The following SLC4A2 variants were observed in gnomAD, a reference collection of about 807,000 sequenced individuals.
The protein encoded by SLC4A2 is solute carrier family 4 member 2.
A neutral mutation model predicts 115.0 loss-of-function variants in SLC4A2; 36 were observed. That is an observed-to-expected ratio of 0.31 (90% confidence interval 0.24 to 0.41). The LOEUF is 0.41. Ranked by LOEUF, SLC4A2 falls within the 10% of genes least tolerant of loss-of-function variation. The pLI, the probability that SLC4A2 is intolerant of heterozygous loss-of-function variation, is 1.00. For synonymous variants in SLC4A2, 708 were observed against 708.3 expected, an observed-to-expected ratio of 1.00 and a Z score of 0.01; for missense variants, 1,252 against 1,705.6, an observed-to-expected ratio of 0.73 and a Z score of 4.68.
At chr7:151,063,205 G>T in intron 2 of SLC4A2, 2 of 1,384,854 alleles carry the variant, frequency 1.4e-6, no homozygotes, top group Non-Finnish European at 9.5e-7. Context: ...GGCTGTGGGG[G>T]TGGGGTGAGG....
At chr7:151,062,344 C>T (rs1022147374) in intron 2 of SLC4A2, among the ~76,000 whole-genome samples, 4 of 152,180 alleles carry the variant, frequency 2.6e-5, no homozygotes, top group African/African-American at 9.7e-5. Flanking sequence ...GTCTCAGACC[C>T]GGCTGGCCTT....
chr7:151,074,021 G>A lies in SLC4A2; in HGVS notation c.2536-18G>A. ...CTGCAGTCCAGCTGATGGAGGCCGT[G>A]TGGCCTCCTCTCCCCAGATCTTCCA... On this transcript the variant is annotated intron_variant, in intron 16 of 22. Coordinates refer to ENST00000413384, the MANE Select transcript of SLC4A2 (RefSeq NM_003040.4). 3 of 1,545,974 alleles carry A rather than the reference G, an allele frequency of 1.9e-6. No individual in the cohort carries two copies. In the South Asian group the frequency reaches 3.6e-5, roughly 19 times the overall value.
chr7:151,075,015 G>C, intron 19 of SLC4A2, 174 bp downstream of exon 19: 1 of 880,986 alleles, frequency 1.1e-6, no homozygotes, highest in East Asian at 2.6e-5. Context: ...TGTTTGCTGG[G>C]ACAGGAACAG....
intron 7 of SLC4A2, 80 bp downstream of exon 7, chr7:151,067,073 A>C: frequency 2.1e-6 from 3 of 1,400,350 alleles, no homozygotes; most frequent in Non-Finnish European, 2.9e-6. Context: ...TGTAATCTCA[A>C]GCCTCAGGGT....
In SLC4A2 at chr7:151,070,513, C is replaced by T. The variant is rs956203298; in HGVS notation, c.1506C>T (p.His502=). The change falls in exon 11 of 23, where the codon CAC becomes CAT. Residue 502 remains histidine (H), a synonymous_variant. Transcript: ENST00000413384. ...PAGITRSKSK[H]ELKLLEKIPE... is the part of the protein sequence containing the mutation. ...GCATCACCCGCTCCAAGTCCAAGCA[C>T]GAGCTGAAACTGCTGGAGAAGATTC... 3.7e-6 allele frequency: 6 copies of T among 1,613,796 alleles called. No individual in the cohort carries two copies. Among genetic ancestry groups the T allele is most frequent in the Non-Finnish European group, 3.4e-6 (4 of 1,179,916 alleles).
chr7:151,070,369 C>A (rs757357844), intron 10 of SLC4A2, 23 bp downstream of exon 10: 17 of 1,609,442 alleles, frequency 1.1e-5, no homozygotes, highest in Non-Finnish European at 1.4e-5. Context: ...CCAGCCCTGC[C>A]TGGGCTGGCG....
intron 8 of SLC4A2, among the ~76,000 whole-genome samples, chr7:151,068,821 A>AAAATT (rs1297695980): frequency 6.6e-6 from 1 of 151,876 alleles, no homozygotes; most frequent in Non-Finnish European, 1.5e-5. Context: ...TGCCTGGCTT[A>AAAATT]AAATTAAATT....
At chr7:151,073,289 T>TTATTTTATTTTATTG (rs59101471) in intron 16 of SLC4A2, among the ~76,000 whole-genome samples, 3,402 of 140,988 alleles carry the variant, frequency 0.024, 121 homozygotes, top group African/African-American at 0.087. Context: ...TTATTTTATT[T>TTATTTTATTTTATTG]GTTTATTTGT....
Position 151,070,869 on chromosome 7 carries a change from C to T in SLC4A2, c.1707C>T (p.Tyr569=). Residue 569 remains tyrosine (Y), a synonymous_variant, in exon 12 of 23, where the codon TAC becomes TAT. Transcript: ENST00000413384. The part of the protein sequence containing the change: ...LLGPSSANMD[Y]HEIGRSISTL... Reference sequence around the variant, plus strand: ...GCCCGAGTAGTGCCAACATGGACTACCACGAGATCGGCCGCTCCATCTCCA... The same window carrying T: ...GCCCGAGTAGTGCCAACATGGACTATCACGAGATCGGCCGCTCCATCTCCA... 2 of 1,613,646 alleles carry T rather than the reference C, an allele frequency of 1.2e-6. No homozygotes were observed. The highest frequency in any genetic ancestry group is 1.7e-6 in the Non-Finnish European group (2 of 1,180,014).
rs1353184013 is a variant in SLC4A2, at chr7:151,065,587, G to A, written c.578+621G>A. ...TAGGTCTCAAGGTCACTACTATCAC[G>A]GACCTGTTGTTTTCTGGGTGCCAGG... is the stretch of plus-strand genomic sequence containing the variant. On this transcript the variant is annotated intron_variant, in intron 5 of 22. Transcript: ENST00000413384. 6.6e-5 allele frequency among the ~76,000 whole-genome samples: 10 copies of A among 152,318 alleles called. No individual in the cohort carries two copies. In the South Asian group the frequency reaches 8.3e-4, roughly 13 times the overall value.
intron 5 of SLC4A2, among the ~76,000 whole-genome samples, chr7:151,065,890 G>C (rs952089767): frequency 1.3e-5 from 2 of 152,146 alleles, no homozygotes; most frequent in African/African-American, 2.4e-5. Flanking sequence ...TTGAGAGAGA[G>C]GGGTAGGACC....
intron 2 of SLC4A2, among the ~76,000 whole-genome samples, chr7:151,063,442 C>T (rs1249998608): frequency 1.3e-5 from 2 of 152,142 alleles, no homozygotes; most frequent in African/African-American, 4.8e-5. Context: ...GTGAACTTCC[C>T]GGTTCACACG....
chr7:151,067,861 T>C lies in SLC4A2; in HGVS notation c.967-13T>C, dbSNP rs1182707283. ...GCTCTGTACCCTGAAATGCCTTCTC[T>C]TCTCTCCCCAAGGTGTTTGTGGAGC... On this transcript the variant is annotated splice_polypyrimidine_tract_variant and intron_variant, in intron 7 of 22. Coordinates refer to ENST00000413384, the MANE Select transcript of SLC4A2 (RefSeq NM_003040.4). 7 of 1,611,602 alleles carry C rather than the reference T, an allele frequency of 4.3e-6. No individual in the cohort carries two copies. In the African/African-American group the frequency reaches 5.3e-5, roughly 12 times the overall value.
Position 151,076,063 on chromosome 7 carries a change from G to T in SLC4A2, c.3522G>T (p.Leu1174=). 6.2e-7 allele frequency: 1 copy of T among 1,611,814 alleles called. No individual in the cohort carries two copies. The highest frequency in any genetic ancestry group is 8.5e-7 in the Non-Finnish European group (1 of 1,179,900). ...HLFTALQLLC[L]ALLWAVMSTA... is the part of the protein sequence containing the mutation. ...TCACGGCCCTGCAGCTGCTCTGCCT[G>T]GCCCTGCTCTGGGCCGTCATGTCCA... The change falls in exon 22 of 23, where the codon CTG becomes CTT. Residue 1174 remains leucine, a synonymous_variant. Coordinates refer to ENST00000413384, the MANE Select transcript of SLC4A2 (RefSeq NM_003040.4).
At position 151,076,267 on chromosome 7, in the gene SLC4A2, C is replaced by A. The variant is rs776588240; in HGVS notation, c.3646-20C>A. On this transcript the variant is annotated intron_variant, in intron 22 of 22. Transcript: ENST00000413384. Reference sequence around the variant, plus strand: ...AGGCCCCCCCACTTCCCTTCTTGACCGCCACCTCCCCACACACAGCTGGAT... The same window carrying A: ...AGGCCCCCCCACTTCCCTTCTTGACAGCCACCTCCCCACACACAGCTGGAT... 1.3e-6 allele frequency: 2 copies of A among 1,579,104 alleles called. No homozygotes were observed. The highest frequency in any genetic ancestry group is 2.2e-5 in the East Asian group (1 of 44,620).
intron 19 of SLC4A2, 148 bp downstream of exon 19, chr7:151,074,989 A>G: frequency 1.1e-6 from 1 of 932,990 alleles, no homozygotes; most frequent in Non-Finnish European, 1.6e-6. Flanking sequence ...TTCTGTAGAC[A>G]GCAGAAAAAC....
rs568479380 is a variant in SLC4A2, at chr7:151,070,272, G to T, written c.1375G>T (p.Ala459Ser). The stretch of plus-strand genomic sequence containing the variant: ...GCTGGGGCATCACCATGGTCAGGGG[G>T]CTGAGAGTGACCCCCACGTCACCGA... The part of the protein sequence containing the change: ...SLLGHHHGQG[A>S]ESDPHVTEPL... Residue 459 changes from alanine to serine, a missense_variant, in exon 10 of 23, where the codon GCT becomes TCT. By Grantham distance (99) the Ala-to-Ser change is moderately conservative. Around this residue, in one of 14 missense-constraint regions of SLC4A2, gnomAD observed 142 missense variants for 153.5 expected, o/e 0.93. Transcript: ENST00000413384. 6.2e-7 allele frequency: 1 copy of T among 1,613,974 alleles called. No homozygotes were observed. Among genetic ancestry groups the T allele is most frequent in the South Asian group, 1.1e-5 (1 of 91,074 alleles).
At position 151,071,802 on chromosome 7, in the gene SLC4A2, G is replaced by C; in HGVS notation, c.2305G>C (p.Gly769Arg). 1 of 1,610,650 alleles carries C rather than the reference G, an allele frequency of 6.2e-7. No individual in the cohort carries two copies. Among genetic ancestry groups the C allele is most frequent in the Non-Finnish European group, 8.5e-7 (1 of 1,179,272 alleles). ...GCCCCTGTTGGTGATCGGCTTCTCA[G>C]GGCCCCTGCTGGTCTTTGAGGAGGC... is the stretch of plus-strand genomic sequence containing the variant. ...AQPLLVIGFSGPLLVFEEAFF... is the reference protein window; with the variant it reads ...AQPLLVIGFSRPLLVFEEAFF... The change falls in exon 15 of 23, where the codon GGG (glycine) becomes CGG (arginine). Residue 769 changes from glycine to arginine, a missense_variant. This residue lies in a region of SLC4A2 where 118 missense variants were observed against 203.3 expected (regional missense o/e 0.58). Coordinates refer to ENST00000413384, the MANE Select transcript of SLC4A2 (RefSeq NM_003040.4). The surrounding 1 kb of genome is among the most constrained non-coding windows in gnomAD (Gnocchi z 5.5).
chr7:151,069,812 C>T lies in SLC4A2; in HGVS notation c.1148-135C>T, dbSNP rs550521747. 87 of 995,092 alleles carry T rather than the reference C, an allele frequency of 8.7e-5. 1 individual carries two copies. In the East Asian group the frequency reaches 1.2e-3, roughly 14 times the overall value. The allele number at this position is 995,092 out of a possible 1,614,324, so 61.6% of individuals were successfully genotyped here. A position where few individuals can be genotyped will look rare whatever the true frequency, so the allele number is the denominator to read the frequency against. On this transcript the variant is annotated intron_variant, in intron 8 of 22. Transcript: ENST00000413384. ...TCCTGTGGGAGCCAGAACTCGAGCC[C>T]GCGTCCTTCATGTGTAGGCTGGTGT...
Sources: allele counts gnomAD v4.1 joint callset (sites outside exome capture counted in the v4.1 genomes callset), GRCh38; gene constraint gnomAD v4.1.1; regional missense constraint gnomAD v4.1.1; non-coding constraint Gnocchi (gnomAD v3.1); transcripts MANE v1.5; gene names NCBI Gene and HGNC (gene_info 2026-07-23, HGNC 2026-07-21).